SEMA5A: variants seen among roughly 807,000 people sequenced by gnomAD.
The protein encoded by SEMA5A is semaphorin 5A, also known as semaphorin-5A.
Under a neutral mutation model 135.5 loss-of-function variants are expected in SEMA5A, and 55 were observed. The ratio of observed to expected loss-of-function variants is 0.41; its 90% CI spans 0.33 to 0.51. SEMA5A has a LOEUF of 0.51. SEMA5A is among the 20% of genes least tolerant of loss of function. SEMA5A has a pLI of 0.37. For missense variants in SEMA5A, 1,290 were observed against 1,419.9 expected (o/e 0.91, Z 1.47); for synonymous variants, 580 against 546.5 (o/e 1.06, Z -0.85).
In SEMA5A at chr5:9,108,127, G is replaced by T. The variant is rs2150155043; in HGVS notation, c.2073+13C>A. 6.2e-7 allele frequency: 1 copy of T among 1,612,300 alleles called. No individual in the cohort carries two copies. Among genetic ancestry groups the T allele is most frequent in the East Asian group, 2.2e-5 (1 of 44,810 alleles). On this transcript the variant is annotated intron_variant, in intron 16 of 22. Transcript: ENST00000382496. Reference sequence around the variant, plus strand: ...CTGGATTGTGGGCTGGGTGTGAGAAGAAGGCTACTCACCACATTGCAGCCT... The same window carrying T: ...CTGGATTGTGGGCTGGGTGTGAGAATAAGGCTACTCACCACATTGCAGCCT...
At chr5:9,185,012 C>T (rs1744730383) in intron 11 of SEMA5A, among the ~76,000 whole-genome samples, 1 of 152,158 alleles carries the variant, frequency 6.6e-6, no homozygotes, top group South Asian at 2.1e-4. Flanking sequence ...ATTGCAGCCT[C>T]AAATTCCTAG....
At chr5:9,424,524 T>C (rs563425805) in intron 2 of SEMA5A, among the ~76,000 whole-genome samples, 6 of 152,270 alleles carry the variant, frequency 3.9e-5, no homozygotes, top group African/African-American at 1.4e-4. Context: ...GATACACAGC[T>C]CTATTCCCAA....
Position 9,226,925 on chromosome 5 carries a change from C to T in SEMA5A, c.376G>A (p.Asp126Asn), listed in dbSNP as rs370111417. The T allele has an allele frequency of 2.0e-5, 31 of 1,578,294 alleles. No homozygotes were observed. Among genetic ancestry groups the T allele is most frequent in the South Asian group, 4.6e-5 (4 of 86,196 alleles). ...TTGGTCCCACAGGTGAATAACCGGT[C>T]GCCACCCACCAGAAGCACCCGGATG... The part of the protein sequence containing the change: ...NYIRVLLVGG[D>N]RLFTCGTNAF... Residue 126 changes from aspartate (D) to asparagine (N), a missense_variant, in exon 7 of 23, where the codon GAC becomes AAC. By Grantham distance (23) the Asp-to-Asn change is conservative (BLOSUM62 1). Around this residue, in one of 3 missense-constraint regions of SEMA5A, gnomAD observed 145 missense variants for 212.0 expected, o/e 0.68. Transcript: ENST00000382496.
intron 1 of SEMA5A, among the ~76,000 whole-genome samples, chr5:9,505,745 G>A (rs527379032): frequency 6.6e-6 from 1 of 152,352 alleles, no homozygotes; most frequent in Admixed American, 6.5e-5. Context: ...CCGAAGCTAA[G>A]TCAATGATTT....
At chr5:9,075,472 A>G (rs527311589) in intron 16 of SEMA5A, among the ~76,000 whole-genome samples, 91 of 152,320 alleles carry the variant, frequency 6.0e-4, no homozygotes, top group Admixed American at 1.2e-3. Flanking sequence ...CTTATGGAAT[A>G]TTAATCAGCA....
At chr5:9,101,017 T>G (rs757033411) in intron 16 of SEMA5A, among the ~76,000 whole-genome samples, 1 of 152,222 alleles carries the variant, frequency 6.6e-6, no homozygotes, top group Non-Finnish European at 1.5e-5. Context: ...ATCTGGGGCT[T>G]TCCCAAGGTT....
chr5:9,132,346 A>G (rs113950720), intron 13 of SEMA5A, among the ~76,000 whole-genome samples: 3,939 of 152,278 alleles, frequency 0.026, 81 homozygotes, highest in South Asian at 0.067. Flanking sequence ...ACTATTAAGA[A>G]GTGGAATCCT....
intron 11 of SEMA5A, among the ~76,000 whole-genome samples, chr5:9,186,123 A>C (rs1744795402): frequency 6.6e-6 from 1 of 152,220 alleles, no homozygotes; most frequent in Non-Finnish European, 1.5e-5. Context: ...TCTGGCTCTG[A>C]GAAAATCTTC....
At chr5:9,221,333 C>T (rs568150888) in intron 8 of SEMA5A, among the ~76,000 whole-genome samples, 63 of 137,148 alleles carry the variant, frequency 4.6e-4, no homozygotes, top group South Asian at 9.4e-4. Flanking sequence ...GACGGAGTCT[C>T]GCTGTGTCAC....
At chr5:9,407,356 G>A (rs996524109) in intron 2 of SEMA5A, among the ~76,000 whole-genome samples, 1 of 152,174 alleles carries the variant, frequency 6.6e-6, no homozygotes, top group African/African-American at 2.4e-5. Context: ...AATCAAAACT[G>A]TATCCTGAAT....
At chr5:9,215,670 A>C (rs1476220611) in intron 8 of SEMA5A, among the ~76,000 whole-genome samples, 2 of 152,310 alleles carry the variant, frequency 1.3e-5, no homozygotes, top group East Asian at 3.9e-4. Flanking sequence ...TTCAGCCTTC[A>C]GCATTTTAAG....
At chr5:9,135,179 C>CTT (rs11297927) in intron 13 of SEMA5A, among the ~76,000 whole-genome samples, 16 of 123,494 alleles carry the variant, frequency 1.3e-4, no homozygotes, top group Admixed American at 3.5e-4. Flanking sequence ...TTCCGACTTT[C>CTT]TTTTTTTTTT....
chr5:9,157,937 A>G (rs1198309709), intron 11 of SEMA5A, among the ~76,000 whole-genome samples: 1 of 152,238 alleles, frequency 6.6e-6, no homozygotes, highest in Non-Finnish European at 1.5e-5. Context: ...TTTTTACTTT[A>G]CAACATTTAC....
At chr5:9,535,370 G>A (rs1737701893) in intron 1 of SEMA5A, among the ~76,000 whole-genome samples, 1 of 152,034 alleles carries the variant, frequency 6.6e-6, no homozygotes, top group African/African-American at 2.4e-5. Context: ...CCTGACTTTC[G>A]GAGTCAGCGT....
At chr5:9,058,037 G>T (rs932744370) in intron 18 of SEMA5A, among the ~76,000 whole-genome samples, 7 of 152,122 alleles carry the variant, frequency 4.6e-5, no homozygotes, top group African/African-American at 1.7e-4. Flanking sequence ...AAGTTGCAGG[G>T]CCAAGAAAAC....
intron 3 of SEMA5A, among the ~76,000 whole-genome samples, chr5:9,345,290 A>G (rs1345922067): frequency 6.6e-6 from 1 of 152,148 alleles, no homozygotes; most frequent in Admixed American, 6.5e-5. Flanking sequence ...TCCTTCAACA[A>G]TCTAACTTGG....
chr5:9,043,457 C>T (rs1736071511), intron 22 of SEMA5A, among the ~76,000 whole-genome samples: 1 of 152,184 alleles, frequency 6.6e-6, no homozygotes, highest in Non-Finnish European at 1.5e-5. Flanking sequence ...CTTGATGGAA[C>T]TTATTTAAGT....
chr5:9,357,748 A>C (rs766465807), intron 3 of SEMA5A, among the ~76,000 whole-genome samples: 1 of 152,210 alleles, frequency 6.6e-6, no homozygotes, highest in Non-Finnish European at 1.5e-5. Flanking sequence ...TCTCCTGGAC[A>C]GAGAGGAGTG....
rs67211847 is a variant in SEMA5A at position 9,384,619 on chromosome 5, C to CATAGATAGATAG, written c.-77-4608_-77-4597dup. On this transcript the variant is annotated intron_variant, in intron 2 of 22. Coordinates refer to ENST00000382496, the MANE Select transcript of SEMA5A (RefSeq NM_003966.3). ...AGATAGATAGATAGATAGATAGATA[C>CATAGATAGATAG]ATAGATAGATAGATAGATAGATAGA... is the stretch of plus-strand genomic sequence containing the variant. 5.7e-4 allele frequency among the ~76,000 whole-genome samples: 49 copies of CATAGATAGATAG among 85,812 alleles called. 3 individuals carry two copies. Among genetic ancestry groups the CATAGATAGATAG allele is most frequent in the South Asian group, 1.8e-3 (4 of 2,214 alleles). 56.3% of individuals were successfully genotyped at this position (85,812 alleles called of 152,430 possible).
Sources: gnomAD v4.1 joint callset for allele counts (sites outside exome capture counted in the v4.1 genomes callset) on GRCh38, gnomAD v4.1.1 for gene constraint, gnomAD v4.1.1 regional missense constraint, MANE v1.5 for transcripts, NCBI Gene and HGNC (gene_info 2026-07-23, HGNC 2026-07-21) for gene names.